PPIP5K1: variants seen among roughly 807,000 people sequenced by gnomAD.
PPIP5K1 encodes diphosphoinositol pentakisphosphate kinase 1, also known as inositol hexakisphosphate and diphosphoinositol-pentakisphosphate kinase 1.
PPIP5K1 carries 6 observed loss-of-function variants against 27.7 expected under a neutral mutation model. That is an observed-to-expected ratio of 0.22 (90% CI 0.12 to 0.43). The LOEUF (loss-of-function observed/expected upper bound fraction) is 0.43. PPIP5K1 is among the 20% of genes least tolerant of loss of function. The probability of loss-of-function intolerance (pLI) is 1.00; values close to 1 mark genes in which losing one functional copy is unlikely to be tolerated. For missense variants in PPIP5K1, 394 were observed against 635.4 expected (o/e 0.62, Z 4.08); for synonymous variants, 145 against 242.6 (o/e 0.60, Z 3.74).
At chr15:43,556,233 T>A (rs1210222591) in intron 30 of PPIP5K1, among the ~76,000 whole-genome samples, 1 of 151,922 alleles carries the variant, frequency 6.6e-6, no homozygotes, top group Non-Finnish European at 1.5e-5. Flanking sequence ...GGCAGAAGAA[T>A]CACTTGAACC....
chr15:43,535,449 G>T lies in PPIP5K1; in HGVS notation c.3698C>A (p.Ser1233Tyr), dbSNP rs1297367729. 1 of 1,597,526 alleles carries T rather than the reference G, an allele frequency of 6.3e-7. No homozygotes were observed. Among genetic ancestry groups the T allele is most frequent in the Non-Finnish European group, 8.5e-7 (1 of 1,172,934 alleles). ...WYSSGPSSTV[S>Y]SAGPSSPTTV... ...AGTAGGGGAAGAAGGACCAGCACTG[G>T]ACACAGTGCTAGAAGGGCCACTGCT... Residue 1233 changes from serine (S) to tyrosine (Y), a missense_variant, in exon 32 of 32, where the codon TCC (serine) becomes TAC (tyrosine). Physicochemically the swap from Ser to Tyr is moderately radical, Grantham distance 144. Coordinates refer to ENST00000420765, the MANE Select transcript of PPIP5K1 (RefSeq NM_001394395.1).
At chr15:43,579,667 T>G (rs2084812700) in intron 10 of PPIP5K1, among the ~76,000 whole-genome samples, 2 of 49,628 alleles carry the variant, frequency 4.0e-5, no homozygotes, top group East Asian at 1.6e-3. Context: ...TTTTTTTTTT[T>G]TTTTTTTTTT....
At chr15:43,552,805 G>A (rs2082400704) in intron 30 of PPIP5K1, among the ~76,000 whole-genome samples, 1 of 152,030 alleles carries the variant, frequency 6.6e-6, no homozygotes, top group Admixed American at 6.5e-5. Context: ...AACTTTGGGA[G>A]GCCAAGGCAG....
At chr15:43,548,126 T>A (rs2081604333) in intron 30 of PPIP5K1, among the ~76,000 whole-genome samples, 1 of 151,148 alleles carries the variant, frequency 6.6e-6, no homozygotes, top group African/African-American at 2.4e-5. Flanking sequence ...CAAGATGGAG[T>A]CTTGCTCTGT....
At chr15:43,538,608 G>C (rs751155954) in intron 31 of PPIP5K1, among the ~76,000 whole-genome samples, 79 of 151,946 alleles carry the variant, frequency 5.2e-4, no homozygotes, top group Non-Finnish European at 9.1e-4. Context: ...CTCACTGCAA[G>C]CTCTGCCATT....
At chr15:43,552,950 G>T (rs1280275317) in intron 30 of PPIP5K1, among the ~76,000 whole-genome samples, 1 of 152,014 alleles carries the variant, frequency 6.6e-6, no homozygotes, top group African/African-American at 2.4e-5. Context: ...GGCTGAGGTG[G>T]GGAATCGCTT....
At chr15:43,550,846 T>G (rs774249878) in intron 30 of PPIP5K1, among the ~76,000 whole-genome samples, 7 of 152,366 alleles carry the variant, frequency 4.6e-5, no homozygotes, top group Middle Eastern at 3.4e-3. Flanking sequence ...TGTTTTTCTG[T>G]GTCAACTTAG....
At chr15:43,546,728 C>CTTA (rs1039911161) in intron 30 of PPIP5K1, among the ~76,000 whole-genome samples, 1 of 136,150 alleles carries the variant, frequency 7.3e-6, no homozygotes, top group African/African-American at 2.6e-5. Context: ...ATGAACTTGG[C>CTTA]TTATTACAGT....
chr15:43,558,615 C>A (rs2083349851), intron 30 of PPIP5K1, among the ~76,000 whole-genome samples, 180 bp downstream of exon 30: 1 of 152,174 alleles, frequency 6.6e-6, no homozygotes, highest in Admixed American at 6.5e-5. Context: ...CCTCGGCCTC[C>A]CAAAGTGCTG....
chr15:43,543,542 T>C (rs1440715431), intron 30 of PPIP5K1, among the ~76,000 whole-genome samples: 1 of 152,072 alleles, frequency 6.6e-6, no homozygotes, highest in African/African-American at 2.4e-5. Flanking sequence ...GGAATCCTGG[T>C]TACTTTTAGT....
intron 31 of PPIP5K1, among the ~76,000 whole-genome samples, chr15:43,539,041 T>A (rs988113142): frequency 6.6e-6 from 1 of 151,872 alleles, no homozygotes; most frequent in Admixed American, 6.6e-5. Context: ...AGAAACCCCG[T>A]CTCTACTAAA....
chr15:43,543,291 G>A (rs567016999), intron 30 of PPIP5K1, among the ~76,000 whole-genome samples: 1 of 150,152 alleles, frequency 6.7e-6, no homozygotes, highest in East Asian at 2.0e-4. Context: ...GGCAGGGATA[G>A]CATTAGGAGA....
chr15:43,541,163 G>A (rs548924803), intron 30 of PPIP5K1, among the ~76,000 whole-genome samples: 1 of 152,128 alleles, frequency 6.6e-6, no homozygotes, highest in Admixed American at 6.5e-5. Flanking sequence ...ACCCAGGCTG[G>A]AGTGCAGTGG....
Position 43,535,451 on chromosome 15 carries a change from C to T in PPIP5K1, c.3696G>A (p.Val1232=), listed in dbSNP as rs1370971592. 8 of 1,596,056 alleles carry T rather than the reference C, an allele frequency of 5.0e-6. No homozygotes were observed. The highest frequency in any genetic ancestry group is 6.8e-6 in the Non-Finnish European group (8 of 1,172,268). ...PWYSSGPSST[V]SSAGPSSPTT... is the part of the protein sequence containing the mutation. Reference sequence around the variant, plus strand: ...TAGGGGAAGAAGGACCAGCACTGGACACAGTGCTAGAAGGGCCACTGCTGT... The same window carrying T: ...TAGGGGAAGAAGGACCAGCACTGGATACAGTGCTAGAAGGGCCACTGCTGT... Residue 1232 remains valine (V), a synonymous_variant, in exon 32 of 32, where the codon GTG becomes GTA. Coordinates refer to ENST00000420765, the MANE Select transcript of PPIP5K1 (RefSeq NM_001394395.1).
At chr15:43,550,579 C>CT (rs34200260) in intron 30 of PPIP5K1, among the ~76,000 whole-genome samples, 25,689 of 152,044 alleles carry the variant, frequency 0.17, 2,343 homozygotes, top group Middle Eastern at 0.27. Flanking sequence ...AACAGAAATA[C>CT]TTTTATTTTT....
intron 30 of PPIP5K1, among the ~76,000 whole-genome samples, chr15:43,546,781 T>G (rs1411864532): frequency 2.0e-5 from 3 of 150,904 alleles, no homozygotes; most frequent in Non-Finnish European, 3.0e-5. Context: ...CTCAGTCTCC[T>G]GAGTAGCTGG....
intron 30 of PPIP5K1, among the ~76,000 whole-genome samples, chr15:43,552,925 C>T (rs917468963): frequency 6.6e-6 from 1 of 151,496 alleles, no homozygotes; most frequent in African/African-American, 2.4e-5. Flanking sequence ...TGCCTGTAGT[C>T]CCAGCTACTC....
At chr15:43,540,857 G>C (rs1204024939) in intron 30 of PPIP5K1, among the ~76,000 whole-genome samples, 1 of 93,100 alleles carries the variant, frequency 1.1e-5, no homozygotes, top group Non-Finnish European at 1.8e-5. Context: ...GAGAGACTCT[G>C]TCTCAAAAAA....
intron 31 of PPIP5K1, chr15:43,536,064 C>CA: frequency 1.6e-6 from 2 of 1,269,914 alleles, no homozygotes; most frequent in Non-Finnish European, 2.0e-6. Flanking sequence ...ATTTATAGCC[C>CA]AAATGATAAG....
Sources: allele counts gnomAD v4.1 joint callset (sites outside exome capture counted in the v4.1 genomes callset), GRCh38; gene constraint gnomAD v4.1.1; transcripts MANE v1.5; gene names NCBI Gene and HGNC (gene_info 2026-07-23, HGNC 2026-07-21).